Variants in ANKRD44 observed in about 807,000 individuals in gnomAD.
The protein encoded by ANKRD44 is ankyrin repeat domain 44, also known as serine/threonine-protein phosphatase 6 regulatory ankyrin repeat subunit B.
ANKRD44 carries 35 observed loss-of-function variants against 116.0 expected under a neutral mutation model. The observed-to-expected ratio is 0.30, with a 90% CI of 0.23 to 0.40. The LOEUF (loss-of-function observed/expected upper bound fraction) is 0.40, where lower values mean the gene tolerates loss of function less well. ANKRD44 is among the 10% of genes least tolerant of loss of function. The pLI is 1.00. For synonymous variants in ANKRD44, 435 were observed against 461.8 expected, an observed-to-expected ratio of 0.94 and a Z score of 0.74; for missense variants, 1,014 against 1,242.6, an observed-to-expected ratio of 0.82 and a Z score of 2.77.
At chr2:197,084,560 G>C (rs982439071) in intron 13 of ANKRD44, among the ~76,000 whole-genome samples, 2 of 152,098 alleles carry the variant, frequency 1.3e-5, no homozygotes, top group East Asian at 1.9e-4. Flanking sequence ...AGAAGCCCTG[G>C]GTTCTGGCAT....
chr2:197,301,980 A>G (rs954948372), intron 1 of ANKRD44, among the ~76,000 whole-genome samples: 1 of 152,248 alleles, frequency 6.6e-6, no homozygotes, highest in African/African-American at 2.4e-5. Context: ...AAAGGGACTC[A>G]CTGAGAAGGT....
At chr2:197,220,730 A>C (rs2081566280) in intron 1 of ANKRD44, among the ~76,000 whole-genome samples, 1 of 152,202 alleles carries the variant, frequency 6.6e-6, no homozygotes, top group South Asian at 2.1e-4. Context: ...AAAATTTTAA[A>C]ATGCTGACTT....
At chr2:197,305,950 A>G (rs1319239831) in intron 1 of ANKRD44, among the ~76,000 whole-genome samples, 3 of 133,230 alleles carry the variant, frequency 2.3e-5, no homozygotes, top group African/African-American at 9.6e-5. Context: ...CTTTTCCTAT[A>G]ATGACCGCAG....
At chr2:197,204,624 C>G (rs970637834) in intron 1 of ANKRD44, among the ~76,000 whole-genome samples, 1 of 152,088 alleles carries the variant, frequency 6.6e-6, no homozygotes, top group Admixed American at 6.6e-5. Flanking sequence ...TGCCAGAGCT[C>G]CAGACGTTTC....
intron 6 of ANKRD44, among the ~76,000 whole-genome samples, chr2:197,125,046 T>C (rs1029835928): frequency 9.9e-5 from 15 of 152,250 alleles, no homozygotes; most frequent in African/African-American, 3.4e-4. Flanking sequence ...TCCGAGCCAG[T>C]GCTCTTTCTT....
intron 2 of ANKRD44, among the ~76,000 whole-genome samples, chr2:197,184,745 A>G (rs1273498665): frequency 6.6e-6 from 1 of 151,656 alleles, no homozygotes; most frequent in Non-Finnish European, 1.5e-5. Flanking sequence ...CTTAGAGGCC[A>G]CATGTTGCTA....
At position 197,099,875 on chromosome 2, in the gene ANKRD44, T is replaced by C. The variant is rs2078248685; in HGVS notation, c.1041A>G (p.Ala347=). The C allele has an allele frequency of 6.2e-7, 1 of 1,614,064 alleles. No individual in the cohort carries two copies. Among genetic ancestry groups the C allele is most frequent in the African/African-American group, 1.3e-5 (1 of 74,920 alleles). ...KDGNTPLHVA[A]RYGHELLINT... is the part of the protein sequence containing the mutation. ...TAATCAAAAGCTCATGACCGTATCT[T>C]GCAGCCACATGGAGAGGAGTGTTGC... Residue 347 remains alanine, a synonymous_variant, in exon 10 of 28, where the codon GCA becomes GCG. Coordinates refer to ENST00000282272, the MANE Select transcript of ANKRD44 (RefSeq NM_001195144.2).
intron 10 of ANKRD44, among the ~76,000 whole-genome samples, chr2:197,098,897 C>G (rs2078225889): frequency 6.6e-6 from 1 of 152,116 alleles, no homozygotes; most frequent in Non-Finnish European, 1.5e-5. Context: ...GAGCACCCAC[C>G]AAAGCCTGGG....
rs549728527 is a variant in ANKRD44, at chr2:197,109,501, T to C, written c.985+1265A>G. ...TTCCTTTGCTTTGCTGCAGATATTT[T>C]GCTTGCTAAGCATAATTCCACTGGC... On this transcript the variant is annotated intron_variant, in intron 9 of 27. Transcript: ENST00000282272. Among the ~76,000 whole-genome samples the C allele has an allele frequency of 2.6e-5, 4 of 152,376 alleles. No homozygotes were observed. In the East Asian group the frequency reaches 7.7e-4, roughly 29 times the overall value.
At chr2:196,975,320 C>CA (rs2075748867) in intron 21 of ANKRD44, among the ~76,000 whole-genome samples, 1 of 151,982 alleles carries the variant, frequency 6.6e-6, no homozygotes, top group South Asian at 2.1e-4. Flanking sequence ...TAAAAACAAA[C>CA]AAAAAAACCC....
chr2:197,097,870 G>C (rs971552805), intron 10 of ANKRD44, among the ~76,000 whole-genome samples: 1 of 152,148 alleles, frequency 6.6e-6, no homozygotes, highest in Non-Finnish European at 1.5e-5. Context: ...CAGGACTTGC[G>C]AAGCCCTTTG....
At chr2:197,208,713 T>C (rs2125688134) in intron 1 of ANKRD44, among the ~76,000 whole-genome samples, 1 of 151,870 alleles carries the variant, frequency 6.6e-6, no homozygotes, top group African/African-American at 2.4e-5. Context: ...GGCAGGAGAA[T>C]GGTGTGAACC....
chr2:197,198,644 T>G (rs1328606427), intron 1 of ANKRD44, among the ~76,000 whole-genome samples: 2 of 151,760 alleles, frequency 1.3e-5, no homozygotes, highest in Non-Finnish European at 2.9e-5. Context: ...ATACAAAAAA[T>G]TAGCCAGGCA....
At position 196,989,448 on chromosome 2, in the gene ANKRD44, A is replaced by AG; in HGVS notation, c.*142_*143insC. Reference sequence around the variant, plus strand: ...CTCACTTGCATTTTGAAGGAAAAAAATGTGTATCTTCCATTTTAGACTGAA... The same window carrying AG: ...CTCACTTGCATTTTGAAGGAAAAAAAGTGTGTATCTTCCATTTTAGACTGAA... On this transcript the variant is annotated 3_prime_UTR_variant, in exon 28 of 28. Transcript: ENST00000282272. The AG allele has an allele frequency of 7.9e-7, 1 of 1,269,160 alleles. No homozygotes were observed. The highest frequency in any genetic ancestry group is 9.9e-7 in the Non-Finnish European group (1 of 1,005,092). The allele number at this position is 1,269,160 out of a possible 1,614,324, so 78.6% of individuals were successfully genotyped here.
intron 1 of ANKRD44, among the ~76,000 whole-genome samples, chr2:197,259,584 A>T (rs2082542345): frequency 6.6e-6 from 1 of 152,090 alleles, no homozygotes; most frequent in South Asian, 2.1e-4. Flanking sequence ...TCACTTTCAA[A>T]TCTTTTCTCC....
chr2:197,076,863 C>T (rs1406522109), intron 16 of ANKRD44, among the ~76,000 whole-genome samples: 1 of 152,172 alleles, frequency 6.6e-6, no homozygotes, highest in Non-Finnish European at 1.5e-5. Context: ...GCATAGTATT[C>T]CATGGTATCT....
intron 2 of ANKRD44, among the ~76,000 whole-genome samples, chr2:197,168,397 C>T (rs2080148366): frequency 6.6e-6 from 1 of 152,058 alleles, no homozygotes; most frequent in Non-Finnish European, 1.5e-5. Flanking sequence ...TGTTAAATGG[C>T]CTTATTTATT....
chr2:197,196,924 T>C (rs967190220), intron 1 of ANKRD44, among the ~76,000 whole-genome samples: 1 of 152,104 alleles, frequency 6.6e-6, no homozygotes, highest in Non-Finnish European at 1.5e-5. Flanking sequence ...ACTAGGGACA[T>C]GTGTAAAACG....
chr2:197,047,828 T>C (rs2077030649), intron 16 of ANKRD44, among the ~76,000 whole-genome samples: 1 of 152,020 alleles, frequency 6.6e-6, no homozygotes, highest in African/African-American at 2.4e-5. Context: ...GAGAATTGCT[T>C]GAACTCAGGA....
Sources: allele counts gnomAD v4.1 joint callset (sites outside exome capture counted in the v4.1 genomes callset), GRCh38; gene constraint gnomAD v4.1.1; transcripts MANE v1.5; gene names NCBI Gene and HGNC (gene_info 2026-07-23, HGNC 2026-07-21).